ASH1L: variants seen among roughly 807,000 people sequenced by gnomAD.
ASH1L encodes the protein ASH1 like histone lysine methyltransferase, also known as histone-lysine N-methyltransferase ASH1L.
A neutral mutation model predicts 269.0 loss-of-function variants in ASH1L; 23 were observed. That is an observed-to-expected ratio of 0.09 (90% confidence interval 0.06 to 0.12). The LOEUF (loss-of-function observed/expected upper bound fraction) is 0.12, where lower values mean the gene tolerates loss of function less well. Ranked by LOEUF, ASH1L falls within the 10% of genes least tolerant of loss-of-function variation. The pLI is 1.00. For missense variants in ASH1L, 2,912 were observed against 3,567.8 expected (o/e 0.82, Z 4.68); for synonymous variants, 1,187 against 1,253.5 (o/e 0.95, Z 1.12).
chr1:155,347,294 C>A (rs1365997578), intron 20 of ASH1L, among the ~76,000 whole-genome samples: 2 of 152,138 alleles, frequency 1.3e-5, no homozygotes, highest in African/African-American at 4.8e-5. Context: ...ATAATCCCAG[C>A]TACTCGAGAG....
chr1:155,395,693 A>G, intron 6 of ASH1L, 140 bp from the exon 7 acceptor site: 1 of 541,898 alleles, frequency 1.8e-6, no homozygotes, highest in Non-Finnish European at 3.1e-6. Context: ...TACTTCTGAA[A>G]CTGTCCTTAA....
At chr1:155,379,521 G>T (rs187848244) in intron 8 of ASH1L, among the ~76,000 whole-genome samples, 1 of 152,070 alleles carries the variant, frequency 6.6e-6, no homozygotes, top group Admixed American at 6.5e-5. Flanking sequence ...TTTTCAATTT[G>T]GGAAGCAAGA....
At chr1:155,502,768 C>A (rs1390467750) in intron 2 of ASH1L, among the ~76,000 whole-genome samples, 1 of 152,258 alleles carries the variant, frequency 6.6e-6, no homozygotes, top group East Asian at 1.9e-4. Flanking sequence ...TTTCTCCTTG[C>A]ACAGTGAAAC....
intron 7 of ASH1L, among the ~76,000 whole-genome samples, chr1:155,386,385 T>A (rs1233558625): frequency 6.7e-6 from 1 of 149,710 alleles, no homozygotes; most frequent in African/African-American, 2.5e-5. Context: ...TTTAAAAAAA[T>A]TTTATTATTA....
intron 1 of ASH1L, among the ~76,000 whole-genome samples, chr1:155,539,943 C>T (rs144032152): frequency 4.7e-4 from 71 of 152,110 alleles, no homozygotes; most frequent in African/African-American, 1.6e-3. Flanking sequence ...GGCACACCCA[C>T]CTGTAGTACC....
intron 15 of ASH1L, among the ~76,000 whole-genome samples, 170 bp downstream of exon 15, chr1:155,357,132 TTAAAAAAAAAAAAA>T (rs1654486104): frequency 1.5e-4 from 1 of 6,630 alleles, no homozygotes; most frequent in African/African-American, 2.5e-4. Flanking sequence ...AGGGTAAGAC[TTAAAAAAAAAAAAA>T]AAAAAAAAAA....
intron 5 of ASH1L, among the ~76,000 whole-genome samples, chr1:155,437,063 A>G (rs999831980): frequency 6.6e-6 from 1 of 152,162 alleles, no homozygotes; most frequent in Non-Finnish European, 1.5e-5. Context: ...TGCTACTACC[A>G]TACGGTTTTG....
intron 5 of ASH1L, among the ~76,000 whole-genome samples, chr1:155,429,824 G>C (rs148450792): frequency 2.0e-5 from 3 of 152,030 alleles, no homozygotes; most frequent in Non-Finnish European, 2.9e-5. Flanking sequence ...TTTTAAGACA[G>C]GTTCTCGCTT....
At chr1:155,563,076 C>G (rs1250169318), upstream of ASH1L, 3 of 458,692 alleles carry the variant, frequency 6.5e-6, no homozygotes, top group Non-Finnish European at 1.3e-5. Context: ...AACCTACCTC[C>G]CTGGGCTCCT....
chr1:155,482,000 C>A lies in ASH1L; in HGVS notation c.870G>T (p.Lys290Asn), dbSNP rs1317864930. 6.2e-7 allele frequency: 1 copy of A among 1,614,142 alleles called. No homozygotes were observed. The highest frequency in any genetic ancestry group is 8.5e-7 in the Non-Finnish European group (1 of 1,180,010). ...VGLVTKDPGK[K>N]PVFNAAVGLV... ...ATCCTACTGCTGCATTAAACACTGG[C>A]TTTTTCCCAGGATCTTTAGTTACCA... is the stretch of plus-strand genomic sequence containing the variant. The change falls in exon 3 of 28, where the codon AAG becomes AAT. Residue 290 changes from lysine to asparagine, a missense_variant. Transcript: ENST00000392403.
chr1:155,501,038 TAAAAAC>T (rs958739799), intron 2 of ASH1L, among the ~76,000 whole-genome samples: 5 of 151,770 alleles, frequency 3.3e-5, no homozygotes, highest in African/African-American at 1.2e-4. Flanking sequence ...GTTTAAAAAA[TAAAAAC>T]AAAACAAAAG....
rs1043412696 is a variant in ASH1L at position 155,499,844 on chromosome 1, AT to A, written c.421-17396del. Among the ~76,000 whole-genome samples, 237 of 151,008 alleles carry A rather than the reference AT, an allele frequency of 1.6e-3. 2 individuals carry two copies. The highest frequency in any genetic ancestry group is 4.5e-3 in the African/African-American group (186 of 41,234). On this transcript the variant is annotated intron_variant, in intron 2 of 27. Transcript: ENST00000392403. Reference sequence around the variant, plus strand: ...CTTCTAACAATTTGGTTCAATAATGATTTTTTTTTTCCATTAGCAAGATCAA... The same window carrying A: ...CTTCTAACAATTTGGTTCAATAATGATTTTTTTTTCCATTAGCAAGATCAA...
chr1:155,401,182 A>G (rs1189185407), intron 6 of ASH1L, among the ~76,000 whole-genome samples: 1 of 151,552 alleles, frequency 6.6e-6, no homozygotes, highest in Non-Finnish European at 1.5e-5. Flanking sequence ...AAGTGTTAAA[A>G]AAGATCGCCG....
chr1:155,537,677 G>C (rs1670148208), intron 1 of ASH1L, among the ~76,000 whole-genome samples: 1 of 151,324 alleles, frequency 6.6e-6, no homozygotes, highest in Admixed American at 6.6e-5. Flanking sequence ...ATTCCTAAAA[G>C]AAAATGTAGA....
chr1:155,431,862 G>C (rs1661635749), intron 5 of ASH1L, among the ~76,000 whole-genome samples: 1 of 152,134 alleles, frequency 6.6e-6, no homozygotes, highest in South Asian at 2.1e-4. Flanking sequence ...TGATCCTCCT[G>C]CCTCAGCCTG....
At chr1:155,518,202 G>A (rs1558185508) in intron 2 of ASH1L, among the ~76,000 whole-genome samples, 2 of 152,132 alleles carry the variant, frequency 1.3e-5, no homozygotes, top group Non-Finnish European at 2.9e-5. Flanking sequence ...AAGGAATGAA[G>A]CTGGACCCTT....
chr1:155,467,947 T>C (rs1664811238), intron 3 of ASH1L, among the ~76,000 whole-genome samples: 1 of 152,148 alleles, frequency 6.6e-6, no homozygotes, highest in South Asian at 2.1e-4. Flanking sequence ...CATCCCCCAA[T>C]GTTAACATCT....
At chr1:155,463,054 A>G (rs762506516) in intron 3 of ASH1L, among the ~76,000 whole-genome samples, 3 of 152,232 alleles carry the variant, frequency 2.0e-5, no homozygotes, top group African/African-American at 2.4e-5. Context: ...TTAGCCTAAC[A>G]GTAGGAATCA....
chr1:155,385,650 G>A (rs980465746), intron 7 of ASH1L, among the ~76,000 whole-genome samples: 3 of 152,008 alleles, frequency 2.0e-5, no homozygotes, highest in African/African-American at 7.3e-5. Context: ...ACCATGCTTG[G>A]CAAATAACAT....
Sources: allele counts gnomAD v4.1 joint callset (sites outside exome capture counted in the v4.1 genomes callset), GRCh38; gene constraint gnomAD v4.1.1; transcripts MANE v1.5; gene names NCBI Gene and HGNC (gene_info 2026-07-23, HGNC 2026-07-21).